Variants in CPAMD8 observed in about 807,000 individuals in gnomAD.
The protein encoded by CPAMD8 is C3 and PZP-like alpha-2-macroglobulin domain-containing protein 8.
In CPAMD8, 146 loss-of-function variants were observed where a neutral mutation model predicts 224.7. That is an observed-to-expected ratio of 0.65 (90% CI 0.57 to 0.75). CPAMD8 has a LOEUF of 0.75. CPAMD8 is among the 30% of genes least tolerant of loss of function. The probability of loss-of-function intolerance (pLI) is 0.00; values close to 1 mark genes in which losing one functional copy is unlikely to be tolerated. For missense variants in CPAMD8, 2,301 were observed against 2,537.5 expected, an observed-to-expected ratio of 0.91 and a Z score of 2.00; for synonymous variants, 966 against 1,044.6, an observed-to-expected ratio of 0.92 and a Z score of 1.45.
At chr19:16,915,344 T>C (rs1175927727) in intron 27 of CPAMD8, among the ~76,000 whole-genome samples, 2 of 151,880 alleles carry the variant, frequency 1.3e-5, no homozygotes, top group African/African-American at 2.4e-5. Flanking sequence ...CTGCAGCCAT[T>C]TTGCCACCAT....
Position 16,907,129 on chromosome 19 carries a change from G to T in CPAMD8, c.3862-12C>A. The T allele has an allele frequency of 6.5e-7, 1 of 1,534,054 alleles. No homozygotes were observed. On this transcript the variant is annotated splice_polypyrimidine_tract_variant and intron_variant, in intron 29 of 41. Transcript: ENST00000443236. ...GAGCCTCTCTCCTCCTGCAGGGTGG[G>T]GTGGGAAGGTGAAACCTGGGAGGCT... is the stretch of plus-strand genomic sequence containing the variant.
intron 30 of CPAMD8, 36 bp from the exon 31 acceptor site, chr19:16,904,588 C>A: frequency 7.0e-7 from 1 of 1,421,740 alleles, no homozygotes; most frequent in Non-Finnish European, 1.0e-6. Flanking sequence ...CTATAACCCA[C>A]CCAGTGTGTA....
intron 26 of CPAMD8, among the ~76,000 whole-genome samples, chr19:16,924,367 G>A (rs1372461880): frequency 2.6e-5 from 4 of 152,146 alleles, no homozygotes; most frequent in African/African-American, 7.2e-5. Flanking sequence ...TGTTATTCAC[G>A]AGGAGGGCTC....
chr19:16,902,857 C>A lies in CPAMD8; in HGVS notation c.4477G>T (p.Val1493Phe), dbSNP rs1447680959. Reference protein sequence around the residue: ...GDGCCLMQIDVTYNVPDPVAK... With the variant: ...GDGCCLMQIDFTYNVPDPVAK... The stretch of plus-strand genomic sequence containing the variant: ...ACCGGGTCAGGCACATTGTAGGTGA[C>A]ATCAATCTGGGGGGTGTTGGAGGAT... Residue 1493 changes from valine to phenylalanine, a missense_variant, in exon 35 of 42, where the codon GTC becomes TTC. Transcript: ENST00000443236. 1 of 1,527,664 alleles carries A rather than the reference C, an allele frequency of 6.5e-7. No individual in the cohort carries two copies. The highest frequency in any genetic ancestry group is 2.3e-5 in the East Asian group (1 of 43,164). 94.6% of individuals were successfully genotyped at this position (1,527,664 alleles called of 1,614,324 possible).
At chr19:16,909,875 A>G (rs1186868176) in intron 29 of CPAMD8, among the ~76,000 whole-genome samples, 2 of 152,128 alleles carry the variant, frequency 1.3e-5, no homozygotes, top group East Asian at 1.9e-4. Flanking sequence ...TGTTTTTAAA[A>G]CAATCTCATA....
intron 8 of CPAMD8, 69 bp from the exon 9 acceptor site, chr19:17,002,419 G>C: frequency 9.9e-7 from 1 of 1,013,878 alleles, no homozygotes; most frequent in Non-Finnish European, 1.5e-6. Flanking sequence ...CCCTGACACC[G>C]GTGCAAGGTG....
chr19:16,945,161 GCT>G (rs1245847031), intron 22 of CPAMD8, among the ~76,000 whole-genome samples: 1 of 152,190 alleles, frequency 6.6e-6, no homozygotes, highest in Non-Finnish European at 1.5e-5. Context: ...GCCCCCTGCA[GCT>G]CTGTGTCCTT....
At chr19:16,946,961 A>G in intron 21 of CPAMD8, 113 bp downstream of exon 21, 1 of 1,107,828 alleles carries the variant, frequency 9.0e-7, no homozygotes, top group Non-Finnish European at 1.3e-6. Context: ...TCCTTGGGAC[A>G]GTCCTGACCT....
At chr19:16,940,935 T>C (rs1194230450) in intron 22 of CPAMD8, among the ~76,000 whole-genome samples, 1 of 152,202 alleles carries the variant, frequency 6.6e-6, no homozygotes, top group Non-Finnish European at 1.5e-5. Context: ...GGTAGTTTTT[T>C]GTTTTTTGTT....
chr19:16,957,829 C>T lies in CPAMD8; in HGVS notation c.2276+24G>A, dbSNP rs141662801. 841 of 1,612,812 alleles carry T rather than the reference C, an allele frequency of 5.2e-4. 4 individuals carry two copies. In the African/African-American group the frequency reaches 6.0e-3, roughly 12 times the overall value. ...TCTTTCACTCAACCGGCAAAGTCAG[C>T]GCAGAAAAGAAATCTTAATGTACCT... is the stretch of plus-strand genomic sequence containing the variant. On this transcript the variant is annotated intron_variant, in intron 19 of 41. Transcript: ENST00000443236.
At chr19:17,018,717 T>TATACACAC (rs1443368929) in intron 3 of CPAMD8, among the ~76,000 whole-genome samples, 10 of 136,828 alleles carry the variant, frequency 7.3e-5, no homozygotes, top group African/African-American at 2.8e-4. Flanking sequence ...CTACTAAAAA[T>TATACACAC]ACACACACAC....
chr19:16,893,531 G>T (rs2144658860), intron 41 of CPAMD8, 192 bp from the exon 42 acceptor site: 1 of 501,796 alleles, frequency 2.0e-6, no homozygotes, highest in East Asian at 2.9e-5. Context: ...GGGCTGAGCG[G>T]TGTTGGCTGA....
intron 7 of CPAMD8, among the ~76,000 whole-genome samples, chr19:17,008,106 T>C (rs1009295558): frequency 6.6e-6 from 1 of 152,098 alleles, no homozygotes; most frequent in Non-Finnish European, 1.5e-5. Flanking sequence ...GAGGCAGAGG[T>C]TGCAGTGAGC....
intron 17 of CPAMD8, among the ~76,000 whole-genome samples, chr19:16,971,279 G>A (rs2055054393): frequency 6.6e-6 from 1 of 152,014 alleles, no homozygotes; most frequent in Non-Finnish European, 1.5e-5. Context: ...TGGCTCACTG[G>A]AAGCTCCACC....
intron 30 of CPAMD8, 62 bp downstream of exon 30, chr19:16,906,890 T>C: frequency 1.4e-6 from 2 of 1,462,008 alleles, no homozygotes; most frequent in Non-Finnish European, 1.9e-6. Flanking sequence ...ATGAGTTGTT[T>C]ACCAGACTCC....
rs1239420315 is a variant in CPAMD8 at position 16,985,112 on chromosome 19, T to C, written c.1396-4426A>G. On this transcript the variant is annotated intron_variant, in intron 13 of 41. Coordinates refer to ENST00000443236, the MANE Select transcript of CPAMD8 (RefSeq NM_015692.5). Reference sequence around the variant, plus strand: ...GTAAAATAATGCCTTTTTTTAAGTATACATTATGGTCAAGTATTTAAGAGT... The same window carrying C: ...GTAAAATAATGCCTTTTTTTAAGTACACATTATGGTCAAGTATTTAAGAGT... Among the ~76,000 whole-genome samples, 5 of 152,226 alleles carry C rather than the reference T, an allele frequency of 3.3e-5. No individual in the cohort carries two copies. The East Asian group carries it at 7.7e-4, about 23-fold the overall frequency.
rs868196995 is a variant in CPAMD8 at position 16,968,482 on chromosome 19, G to C, written c.2213+2409C>G. Among the ~76,000 whole-genome samples the C allele has an allele frequency of 3.9e-5, 6 of 152,078 alleles. No homozygotes were observed. In the South Asian group the frequency reaches 1.0e-3, roughly 26 times the overall value. ...ACCAAATCAAGAGGTTTCCTGGACAGGTCATACATCAAAATGGGCATCATT... is the reference window on the plus strand; with the variant it reads ...ACCAAATCAAGAGGTTTCCTGGACACGTCATACATCAAAATGGGCATCATT... On this transcript the variant is annotated intron_variant, in intron 18 of 41. Coordinates refer to ENST00000443236, the MANE Select transcript of CPAMD8 (RefSeq NM_015692.5).
chr19:16,936,478 C>G (rs1049684896), intron 23 of CPAMD8, among the ~76,000 whole-genome samples: 2 of 152,140 alleles, frequency 1.3e-5, no homozygotes, highest in Non-Finnish European at 2.9e-5. Flanking sequence ...TCTTGGCTCA[C>G]TGCAACCTCT....
chr19:16,991,568 C>A (rs1021771845), intron 12 of CPAMD8, among the ~76,000 whole-genome samples: 1 of 152,006 alleles, frequency 6.6e-6, no homozygotes, highest in Admixed American at 6.6e-5. Context: ...TAAAACAGGA[C>A]AGTGGGCCGG....
Sources: allele counts gnomAD v4.1 joint callset (sites outside exome capture counted in the v4.1 genomes callset), GRCh38; gene constraint gnomAD v4.1.1; transcripts MANE v1.5; gene names NCBI Gene and HGNC (gene_info 2026-07-23, HGNC 2026-07-21).